The following ZNF75D variants were observed in gnomAD, a reference collection of about 807,000 sequenced individuals.
The protein encoded by ZNF75D is zinc finger protein 75D.
A neutral mutation model predicts 33.3 loss-of-function variants in ZNF75D; 33 were observed. The ratio of observed to expected loss-of-function variants is 0.99; its 90% confidence interval spans 0.75 to 1.32. The LOEUF (loss-of-function observed/expected upper bound fraction) is 1.32, where lower values mean the gene tolerates loss of function less well. Among genes scored for constraint, ZNF75D ranks in the 40% most tolerant of loss-of-function variants. The pLI, the probability that ZNF75D is intolerant of heterozygous loss-of-function variation, is 0.00. For missense variants in ZNF75D, 338 were observed against 367.5 expected, an observed-to-expected ratio of 0.92 and a Z score of 0.66; for synonymous variants, 113 against 130.6, an observed-to-expected ratio of 0.87 and a Z score of 0.92.
Position 135,295,766 on chromosome X carries a change from A to C in ZNF75D, c.-119+2T>G, listed in dbSNP as rs2084119671. The C allele has an allele frequency of 8.9e-6, 1 of 112,138 alleles. No homozygotes were observed. The highest frequency in any genetic ancestry group is 1.9e-5 in the Non-Finnish European group (1 of 53,127). The allele number at this position is 112,138 out of a possible 1,213,427, so 9.2% of individuals were successfully genotyped here. ...TAAAGAGAAAATCAGCTTCTCGGTTACCTTCAGTCAGCTCTGGCTTCCCCG... is the reference window on the plus strand; with the variant it reads ...TAAAGAGAAAATCAGCTTCTCGGTTCCCTTCAGTCAGCTCTGGCTTCCCCG... On this transcript the variant is annotated splice_donor_variant, in intron 2 of 6. Transcript: ENST00000370766. LOFTEE classifies it low-confidence loss of function (5UTR_SPLICE).
chrX:135,284,360 A>G (rs2083932619), downstream of ZNF75D, among the ~76,000 whole-genome samples: 1 of 111,759 alleles, frequency 8.9e-6, no homozygotes, highest in African/African-American at 3.3e-5. Context: ...CTCCATGGAC[A>G]TACATTTCTC....
At chrX:135,278,115 T>G (rs182857920) in intron 1 of ZNF75D, among the ~76,000 whole-genome samples, 438 of 112,066 alleles carry the variant, frequency 3.9e-3, no homozygotes, top group Non-Finnish European at 5.7e-3. Flanking sequence ...ATTCTTCCTA[T>G]CCATGAGCAT....
chrX:135,280,185 T>C (rs1445487697), intron 1 of ZNF75D, among the ~76,000 whole-genome samples: 6 of 112,252 alleles, frequency 5.3e-5, no homozygotes, highest in African/African-American at 1.6e-4. Context: ...GGTGCATATA[T>C]GTTTAGGATA....
intron 1 of ZNF75D, among the ~76,000 whole-genome samples, chrX:135,339,316 T>C (rs12837419): frequency 0.058 from 6,484 of 112,107 alleles, 179 homozygotes; most frequent in Middle Eastern, 0.096. Flanking sequence ...GTCCTTGTCT[T>C]GCTGACCAGT....
chrX:135,293,264 G>T (rs2084073045), intron 3 of ZNF75D, among the ~76,000 whole-genome samples: 1 of 111,531 alleles, frequency 9.0e-6, no homozygotes, highest in African/African-American at 3.3e-5. Flanking sequence ...CCATATCCTT[G>T]TTTCCTTTTT....
intron 1 of ZNF75D, among the ~76,000 whole-genome samples, chrX:135,306,585 A>G (rs1015591690): frequency 5.4e-5 from 6 of 111,860 alleles, no homozygotes; most frequent in Middle Eastern, 4.6e-3. Context: ...TTACACATAC[A>G]CTCAAAATTG....
At chrX:135,318,218 T>A (rs995744018) in intron 1 of ZNF75D, among the ~76,000 whole-genome samples, 1 of 108,659 alleles carries the variant, frequency 9.2e-6, no homozygotes, top group African/African-American at 3.4e-5. Context: ...CTCAGATGCA[T>A]ATCCTGCCAT....
intron 1 of ZNF75D, among the ~76,000 whole-genome samples, chrX:135,329,244 C>T (rs1207242532): frequency 4.5e-5 from 5 of 112,026 alleles, no homozygotes; most frequent in Non-Finnish European, 9.4e-5. Flanking sequence ...TCTTCAATTA[C>T]CACTTTTTAG....
chrX:135,262,493 T>C (rs782290805), intron 1 of ZNF75D, among the ~76,000 whole-genome samples: 2 of 112,426 alleles, frequency 1.8e-5, no homozygotes, highest in East Asian at 2.8e-4. Flanking sequence ...TGTTTGTTTC[T>C]TTTTACTTTT....
chrX:135,286,464 T>C lies in ZNF75D; in HGVS notation c.*673A>G, dbSNP rs1556419454. ...GACAAAGTCAGCAAGAGGAGAGATA[T>C]CAAGTGCTTGCAAGGTCCCTAGGCC... On this transcript the variant is annotated 3_prime_UTR_variant, in exon 7 of 7. Coordinates refer to ENST00000370766, the MANE Select transcript of ZNF75D (RefSeq NM_007131.5). The C allele has an allele frequency of 8.9e-6, 1 of 112,404 alleles. No individual in the cohort carries two copies. The highest frequency in any genetic ancestry group is 2.8e-4 in the East Asian group (1 of 3,601). 9.3% of individuals were successfully genotyped at this position (112,404 alleles called of 1,213,427 possible). A position where few individuals can be genotyped will look rare whatever the true frequency, so the allele number is the denominator to read the frequency against.
In ZNF75D at chrX:135,337,228, T is replaced by C. The variant is rs782427077; in HGVS notation, c.-391+4540A>G. The stretch of plus-strand genomic sequence containing the variant: ...TGTATACACACACATATATACAATG[T>C]ATATAATTTTTTCTCTCTCAACTTA... On this transcript the variant is annotated intron_variant, in intron 1 of 6. Transcript: ENST00000370766. Among the ~76,000 whole-genome samples the C allele has an allele frequency of 5.3e-5, 6 of 112,711 alleles. No individual in the cohort carries two copies. In the East Asian group the frequency reaches 1.7e-3, roughly 31 times the overall value.
chrX:135,259,940 TAG>T (rs1192873392), intron 1 of ZNF75D, among the ~76,000 whole-genome samples: 1 of 112,054 alleles, frequency 8.9e-6, no homozygotes, highest in African/African-American at 3.2e-5. Context: ...TTGTCATAAA[TAG>T]CTCTTATTAT....
At chrX:135,276,102 C>T (rs1213536001) in intron 1 of ZNF75D, among the ~76,000 whole-genome samples, 1 of 111,633 alleles carries the variant, frequency 9.0e-6, no homozygotes, top group African/African-American at 3.3e-5. Context: ...CTCTCTCTCT[C>T]TGTGCAAATT....
chrX:135,258,302 T>C (rs1482753628), intron 1 of ZNF75D, among the ~76,000 whole-genome samples: 43 of 110,453 alleles, frequency 3.9e-4, no homozygotes, highest in African/African-American at 1.3e-3. Context: ...ATCCTTTGGG[T>C]ATATACCCAG....
chrX:135,312,361 G>T (rs143076600), intron 1 of ZNF75D, among the ~76,000 whole-genome samples: 1 of 111,428 alleles, frequency 9.0e-6, no homozygotes, highest in African/African-American at 3.3e-5. Flanking sequence ...TTCCATGGGT[G>T]TATATACACT....
chrX:135,283,392 T>C (rs960182724), downstream of ZNF75D, among the ~76,000 whole-genome samples: 9 of 111,798 alleles, frequency 8.1e-5, no homozygotes, highest in Non-Finnish European at 7.5e-5. Context: ...AGAACAGAAG[T>C]TTGTAGGTAG....
chrX:135,325,871 C>T (rs2084564033), intron 1 of ZNF75D, among the ~76,000 whole-genome samples: 1 of 112,866 alleles, frequency 8.9e-6, no homozygotes, highest in South Asian at 3.6e-4. Context: ...GGCAGCTCCA[C>T]CTGCAGCCCC....
intron 2 of ZNF75D, among the ~76,000 whole-genome samples, chrX:135,295,043 A>G (rs782701761): frequency 2.7e-5 from 3 of 112,113 alleles, no homozygotes; most frequent in African/African-American, 9.7e-5. Context: ...ACAAAAAAGA[A>G]AGAGAGATGG....
downstream of ZNF75D, among the ~76,000 whole-genome samples, chrX:135,282,750 C>G (rs1207425132): frequency 9.0e-6 from 1 of 111,019 alleles, no homozygotes; most frequent in African/African-American, 3.3e-5. Context: ...GGGAGTTCTC[C>G]CAACCCCTTG....
Sources: gnomAD v4.1 joint callset for allele counts (sites outside exome capture counted in the v4.1 genomes callset) on GRCh38, gnomAD v4.1.1 for gene constraint, MANE v1.5 for transcripts, NCBI Gene and HGNC (gene_info 2026-07-23, HGNC 2026-07-21) for gene names.